GRID2: variants seen among roughly 807,000 people sequenced by gnomAD.
GRID2 encodes glutamate receptor ionotropic, delta-2.
A neutral mutation model predicts 114.8 loss-of-function variants in GRID2; 33 were observed. The ratio of observed to expected loss-of-function variants is 0.29; its 90% CI spans 0.22 to 0.38. The LOEUF is 0.38. Among genes scored for constraint, GRID2 ranks in the 10% least tolerant of loss-of-function variants. The pLI is 1.00. For missense variants in GRID2, 1,184 were observed against 1,257.7 expected (o/e 0.94, Z 0.89); for synonymous variants, 505 against 449.9 (o/e 1.12, Z -1.55).
At chr4:93,401,922 ATTTC>A (rs1446078110) in intron 9 of GRID2, among the ~76,000 whole-genome samples, 2 of 132,106 alleles carry the variant, frequency 1.5e-5, no homozygotes. Flanking sequence ...ACTTTTTGGA[ATTTC>A]TTTTTTTTTT....
At chr4:93,465,227 G>T (rs553634271) in intron 11 of GRID2, among the ~76,000 whole-genome samples, 1 of 152,200 alleles carries the variant, frequency 6.6e-6, no homozygotes, top group Non-Finnish European at 1.5e-5. Flanking sequence ...ACTAAGTTGT[G>T]ATACTGAAAG....
intron 14 of GRID2, among the ~76,000 whole-genome samples, chr4:93,732,691 A>C (rs1730591262): frequency 6.6e-6 from 1 of 152,086 alleles, no homozygotes; most frequent in Admixed American, 6.5e-5. Context: ...GCTGCTGTCA[A>C]AATCTGATAA....
intron 2 of GRID2, among the ~76,000 whole-genome samples, chr4:92,862,531 C>T (rs918334576): frequency 9.2e-5 from 14 of 151,954 alleles, no homozygotes; most frequent in Non-Finnish European, 2.9e-5. Context: ...CCTTTGGAAA[C>T]TCAAAGTAAA....
chr4:92,915,507 G>C (rs990471435), intron 2 of GRID2, among the ~76,000 whole-genome samples: 7 of 152,062 alleles, frequency 4.6e-5, no homozygotes, highest in Admixed American at 3.9e-4. Flanking sequence ...GTACTTTGGG[G>C]ATTATGGGAA....
At chr4:93,706,201 T>G (rs547233653) in intron 14 of GRID2, among the ~76,000 whole-genome samples, 2 of 152,334 alleles carry the variant, frequency 1.3e-5, no homozygotes, top group Admixed American at 6.5e-5. Flanking sequence ...ACATTGTTTT[T>G]TCTATTTCTG....
At chr4:92,583,501 G>A (rs947762187) in intron 1 of GRID2, among the ~76,000 whole-genome samples, 4 of 151,810 alleles carry the variant, frequency 2.6e-5, no homozygotes, top group Non-Finnish European at 5.9e-5. Context: ...AAGATACAGG[G>A]TTCTGAAAAC....
chr4:92,389,655 A>T (rs1216669263), intron 1 of GRID2, among the ~76,000 whole-genome samples: 2 of 152,218 alleles, frequency 1.3e-5, no homozygotes, highest in Non-Finnish European at 2.9e-5. Context: ...TCTGAATTTC[A>T]ATAAGGCATT....
intron 2 of GRID2, among the ~76,000 whole-genome samples, chr4:92,657,960 T>C (rs925565817): frequency 6.7e-6 from 1 of 148,356 alleles, no homozygotes; most frequent in African/African-American, 2.5e-5. Flanking sequence ...AAGACACAAT[T>C]TCTGTAAATT....
intron 2 of GRID2, among the ~76,000 whole-genome samples, chr4:93,006,394 A>T (rs1721528711): frequency 6.6e-6 from 1 of 152,010 alleles, no homozygotes; most frequent in Non-Finnish European, 1.5e-5. Flanking sequence ...TACTGAGAAT[A>T]GGTCTAAGGA....
chr4:93,278,283 G>A (rs1039431570), intron 8 of GRID2, among the ~76,000 whole-genome samples: 12 of 151,050 alleles, frequency 7.9e-5, no homozygotes, highest in Non-Finnish European at 1.8e-4. Flanking sequence ...AAAAAAACAT[G>A]TTATTCGGTG....
intron 2 of GRID2, among the ~76,000 whole-genome samples, chr4:92,920,830 AGTTGCTCTTCTCAAGGATTATCTTT>A (rs940225535): frequency 7.7e-4 from 117 of 152,028 alleles, no homozygotes; most frequent in African/African-American, 2.8e-3. Context: ...TGTGTCTTGG[AGTTGCTCTTCTCAAGGATTATCTTT>A]GTGGTGTTCT....
chr4:93,388,059 A>G (rs1764500968), intron 8 of GRID2, among the ~76,000 whole-genome samples: 1 of 152,144 alleles, frequency 6.6e-6, no homozygotes, highest in South Asian at 2.1e-4. Context: ...TACAAAATAT[A>G]TATTTAAAAA....
chr4:92,654,304 G>T (rs1732119831), intron 2 of GRID2, among the ~76,000 whole-genome samples: 1 of 151,868 alleles, frequency 6.6e-6, no homozygotes. Flanking sequence ...TCTCATCACA[G>T]GACTTCATTC....
At chr4:92,774,553 A>AG (rs1215565623) in intron 2 of GRID2, among the ~76,000 whole-genome samples, 1 of 149,604 alleles carries the variant, frequency 6.7e-6, no homozygotes, top group Non-Finnish European at 1.5e-5. Flanking sequence ...AAGATATTCT[A>AG]ATTTCTTCCA....
chr4:92,848,601 C>A (rs1016837474), intron 2 of GRID2, among the ~76,000 whole-genome samples: 1 of 151,702 alleles, frequency 6.6e-6, no homozygotes, highest in East Asian at 1.9e-4. Flanking sequence ...GTTCTAATAC[C>A]CACACCTGGA....
At chr4:93,041,366 C>T (rs993977972) in intron 2 of GRID2, among the ~76,000 whole-genome samples, 6 of 152,164 alleles carry the variant, frequency 3.9e-5, no homozygotes, top group African/African-American at 1.2e-4. Context: ...GCGAACTTCT[C>T]ACATTTTTTG....
intron 12 of GRID2, among the ~76,000 whole-genome samples, chr4:93,499,896 G>A (rs957113110): frequency 3.3e-5 from 5 of 151,920 alleles, no homozygotes; most frequent in Non-Finnish European, 7.4e-5. Flanking sequence ...TGAAGCTAGG[G>A]TAGTAAACCC....
intron 2 of GRID2, among the ~76,000 whole-genome samples, chr4:92,871,970 G>A (rs1044948085): frequency 1.3e-5 from 2 of 152,152 alleles, no homozygotes; most frequent in African/African-American, 4.8e-5. Flanking sequence ...CGTATAAAAA[G>A]AAATAAACTC....
intron 4 of GRID2, among the ~76,000 whole-genome samples, chr4:93,125,336 T>C (rs1373167381): frequency 6.6e-6 from 1 of 151,972 alleles, no homozygotes; most frequent in Non-Finnish European, 1.5e-5. Context: ...CACAAATAAA[T>C]GTAGAAGTTT....
Sources: gnomAD v4.1 joint callset for allele counts (sites outside exome capture counted in the v4.1 genomes callset) on GRCh38, gnomAD v4.1.1 for gene constraint, MANE v1.5 for transcripts, NCBI Gene and HGNC (gene_info 2026-07-23, HGNC 2026-07-21) for gene names.